LRP6: variants seen among roughly 807,000 people sequenced by gnomAD.
The protein encoded by LRP6 is LDL receptor related protein 6.
A neutral mutation model predicts 184.1 loss-of-function variants in LRP6; 43 were observed. That is an observed-to-expected ratio of 0.23 (90% CI 0.18 to 0.30). The LOEUF is 0.30. Ranked by LOEUF, LRP6 falls within the 10% of genes least tolerant of loss-of-function variation. The pLI is 1.00. For missense variants in LRP6, 1,571 were observed against 2,005.3 expected (o/e 0.78, Z 4.14); for synonymous variants, 719 against 684.9 (o/e 1.05, Z -0.78).
chr12:12,253,533 T>C (rs900794332), intron 1 of LRP6, among the ~76,000 whole-genome samples: 4 of 151,846 alleles, frequency 2.6e-5, no homozygotes, highest in African/African-American at 4.8e-5. Context: ...CATTAACTGG[T>C]CATTTACATT....
chr12:12,235,091 C>T (rs1215090662), intron 2 of LRP6, among the ~76,000 whole-genome samples: 2 of 152,078 alleles, frequency 1.3e-5, no homozygotes, highest in Non-Finnish European at 2.9e-5. Context: ...CTGTTAGGAA[C>T]ATGTCAATTG....
chr12:12,197,746 T>G (rs989967579), intron 3 of LRP6, among the ~76,000 whole-genome samples: 3 of 152,188 alleles, frequency 2.0e-5, no homozygotes, highest in Non-Finnish European at 4.4e-5. Flanking sequence ...GTAGTTACTA[T>G]AAGAATTAAA....
intron 1 of LRP6, among the ~76,000 whole-genome samples, chr12:12,253,858 T>A (rs1225399993): frequency 6.6e-6 from 1 of 152,070 alleles, no homozygotes; most frequent in Non-Finnish European, 1.5e-5. Context: ...AAAAAAGGGC[T>A]ATGGGCCAGG....
chr12:12,246,646 T>TGGGTGACAGA (rs1168777423), intron 1 of LRP6, among the ~76,000 whole-genome samples: 35 of 150,294 alleles, frequency 2.3e-4, no homozygotes, highest in Admixed American at 6.6e-4. Flanking sequence ...GCAGTGAGCC[T>TGGGTGACAGA]GGGTGACAGA....
At chr12:12,195,030 G>A (rs2137022843) in intron 3 of LRP6, among the ~76,000 whole-genome samples, 1 of 152,080 alleles carries the variant, frequency 6.6e-6, no homozygotes, top group Non-Finnish European at 1.5e-5. Flanking sequence ...AGAATGACAG[G>A]ATTTCATTCT....
In LRP6 at chr12:12,125,290, A is replaced by G; in HGVS notation, c.4449+6T>C. ...TGTCGCATTCAAAGGAAAACAGACT[A>G]CTTACTGCAGGGAAGTAAGTGCCTT... is the stretch of plus-strand genomic sequence containing the variant. On this transcript the variant is annotated splice_donor_region_variant and intron_variant, in intron 21 of 22. Coordinates refer to ENST00000261349, the MANE Select transcript of LRP6 (RefSeq NM_002336.3). 1 of 1,614,046 alleles carries G rather than the reference A, an allele frequency of 6.2e-7. No homozygotes were observed. The highest frequency in any genetic ancestry group is 8.5e-7 in the Non-Finnish European group (1 of 1,179,950).
Position 12,149,049 on chromosome 12 carries a change from C to T in LRP6, c.3099G>A (p.Glu1033=). 6.2e-7 allele frequency: 1 copy of T among 1,614,064 alleles called. No individual in the cohort carries two copies. The highest frequency in any genetic ancestry group is 8.5e-7 in the Non-Finnish European group (1 of 1,179,980). The part of the protein sequence containing the change: ...IYSRYIYWTC[E]ATNVINVTRL... ...TTGTCACATTAATGACATTGGTAGC[C>T]TCACAAGTCCAGTAGATGTAGCGGC... The change falls in exon 14 of 23, where the codon GAG becomes GAA. Residue 1033 remains glutamate (E), a synonymous_variant. Coordinates refer to ENST00000261349, the MANE Select transcript of LRP6 (RefSeq NM_002336.3).
intron 12 of LRP6, among the ~76,000 whole-genome samples, chr12:12,156,516 T>C (rs1480442699): frequency 7.9e-5 from 12 of 152,352 alleles, no homozygotes; most frequent in Non-Finnish European, 1.2e-4. Context: ...TAGGTTTTTA[T>C]TCTGTGTGAA....
At chr12:12,189,328 T>C (rs186787266) in intron 3 of LRP6, among the ~76,000 whole-genome samples, 1 of 152,326 alleles carries the variant, frequency 6.6e-6, no homozygotes, top group Admixed American at 6.5e-5. Context: ...AGCACTACGC[T>C]TGCTACTTAA....
chr12:12,244,259 T>C lies in LRP6; in HGVS notation c.449+3A>G, dbSNP rs765676217. 6.2e-6 allele frequency: 10 copies of C among 1,614,008 alleles called. No individual in the cohort carries two copies. The Admixed American group carries it at 1.0e-4, about 16-fold the overall frequency. ...GATCTTCGTACACTGTACAAAAACT[T>C]ACCCACTTGAAGGATCTAAGGCAAT... On this transcript the variant is annotated splice_donor_region_variant and intron_variant, in intron 2 of 22. Transcript: ENST00000261349.
chr12:12,237,948 T>C (rs1313918809), intron 2 of LRP6, among the ~76,000 whole-genome samples: 1 of 152,194 alleles, frequency 6.6e-6, no homozygotes, highest in Non-Finnish European at 1.5e-5. Flanking sequence ...TAGATAACTG[T>C]TCTATGGTTA....
chr12:12,119,270 T>C lies in LRP6; in HGVS notation c.*1856A>G, dbSNP rs1565517437. ...CTTGCATGAACAGTTACTTCACCCT[T>C]GCCCAAATTCTGAATCCTTTCTTCC... On this transcript the variant is annotated 3_prime_UTR_variant, in exon 23 of 23. Transcript: ENST00000261349. 1 of 152,168 alleles carries C rather than the reference T, an allele frequency of 6.6e-6. No homozygotes were observed. Among genetic ancestry groups the C allele is most frequent in the Admixed American group, 6.5e-5 (1 of 15,272 alleles). 9.4% of individuals were successfully genotyped at this position (152,168 alleles called of 1,614,324 possible). A position where few individuals can be genotyped will look rare whatever the true frequency, so the allele number is the denominator to read the frequency against.
At chr12:12,177,881 C>T (rs1341434187) in intron 7 of LRP6, among the ~76,000 whole-genome samples, 1 of 151,310 alleles carries the variant, frequency 6.6e-6, no homozygotes, top group East Asian at 1.9e-4. Flanking sequence ...ATTAAAAGAA[C>T]GAATGAATGA....
intron 7 of LRP6, among the ~76,000 whole-genome samples, chr12:12,168,594 A>T (rs1044787787): frequency 2.4e-4 from 37 of 152,358 alleles, no homozygotes; most frequent in African/African-American, 8.9e-4. Context: ...CACTTTAAGC[A>T]GGGTGACACA....
chr12:12,201,483 T>C (rs1486766179), intron 3 of LRP6, among the ~76,000 whole-genome samples: 1 of 152,154 alleles, frequency 6.6e-6, no homozygotes, highest in East Asian at 1.9e-4. Context: ...CTGTGGCTAT[T>C]TTGGCGTTCC....
At chr12:12,250,817 T>G (rs1865307242) in intron 1 of LRP6, among the ~76,000 whole-genome samples, 1 of 151,948 alleles carries the variant, frequency 6.6e-6, no homozygotes. Flanking sequence ...GAGGCAGGTT[T>G]CACCATGTTG....
At chr12:12,227,827 A>T (rs1364872571) in intron 2 of LRP6, among the ~76,000 whole-genome samples, 5 of 152,198 alleles carry the variant, frequency 3.3e-5, no homozygotes, top group African/African-American at 1.2e-4. Context: ...AATACAGGGG[A>T]TGGAAGGGAG....
chr12:12,146,470 C>G (rs189967246), intron 15 of LRP6, among the ~76,000 whole-genome samples: 1 of 152,218 alleles, frequency 6.6e-6, no homozygotes, highest in Admixed American at 6.5e-5. Context: ...ATATGGACAT[C>G]AGAAATTGGG....
chr12:12,242,988 A>G (rs374213430), intron 2 of LRP6, among the ~76,000 whole-genome samples: 16 of 152,348 alleles, frequency 1.1e-4, no homozygotes, highest in East Asian at 9.6e-4. Flanking sequence ...ACTCCTTTCT[A>G]TAAGTGAAAT....
Sources: gnomAD v4.1 joint callset for allele counts (sites outside exome capture counted in the v4.1 genomes callset) on GRCh38, gnomAD v4.1.1 for gene constraint, MANE v1.5 for transcripts, NCBI Gene and HGNC (gene_info 2026-07-23, HGNC 2026-07-21) for gene names.